PICALM: variants seen among roughly 807,000 people sequenced by gnomAD.
The protein encoded by PICALM is phosphatidylinositol-binding clathrin assembly protein.
Under a neutral mutation model 80.5 loss-of-function variants are expected in PICALM, and 40 were observed. That is an observed-to-expected ratio of 0.50 (90% confidence interval 0.39 to 0.65). The LOEUF is 0.65. Ranked by LOEUF, PICALM falls within the 30% of genes least tolerant of loss-of-function variation. The pLI, the probability that PICALM is intolerant of heterozygous loss-of-function variation, is 0.00. For synonymous variants in PICALM, 288 were observed against 260.3 expected (o/e 1.11, Z -1.02); for missense variants, 676 against 778.9 (o/e 0.87, Z 1.57).
intron 1 of PICALM, among the ~76,000 whole-genome samples, chr11:86,057,464 A>AG (rs1352695817): frequency 6.6e-6 from 1 of 152,136 alleles, no homozygotes; most frequent in Non-Finnish European, 1.5e-5. Flanking sequence ...GCTTGAACCC[A>AG]GGAGGCAGAG....
At chr11:86,061,046 T>C (rs1281550447) in intron 1 of PICALM, among the ~76,000 whole-genome samples, 1 of 152,162 alleles carries the variant, frequency 6.6e-6, no homozygotes, top group African/African-American at 2.4e-5. Flanking sequence ...ATACATTTGA[T>C]AGCCGGGCTC....
chr11:86,045,228 G>A (rs73508144), intron 1 of PICALM, among the ~76,000 whole-genome samples: 6 of 151,898 alleles, frequency 4.0e-5, no homozygotes, highest in Admixed American at 6.6e-5. Context: ...TTAATATTAC[G>A]CCTTTAAGTT....
intron 2 of PICALM, among the ~76,000 whole-genome samples, chr11:86,027,317 G>T (rs1223137114): frequency 6.6e-6 from 1 of 152,092 alleles, no homozygotes; most frequent in Non-Finnish European, 1.5e-5. Flanking sequence ...TGCCAAAATG[G>T]TCTCTGAAGT....
chr11:86,037,624 A>G (rs969973211), intron 1 of PICALM, among the ~76,000 whole-genome samples: 5 of 151,518 alleles, frequency 3.3e-5, no homozygotes, highest in African/African-American at 1.2e-4. Flanking sequence ...GTTTAAGCCC[A>G]AGAGTTTAAG....
intron 3 of PICALM, among the ~76,000 whole-genome samples, chr11:86,022,910 T>C (rs2095591023): frequency 6.6e-6 from 1 of 152,170 alleles, no homozygotes; most frequent in African/African-American, 2.4e-5. Flanking sequence ...CCATAACTTG[T>C]ATGTGCCAAC....
chr11:86,001,867 TA>T (rs1467893263), intron 9 of PICALM, among the ~76,000 whole-genome samples: 1 of 152,204 alleles, frequency 6.6e-6, no homozygotes, highest in Non-Finnish European at 1.5e-5. Flanking sequence ...AACTCTAGGC[TA>T]AGTAAAACAA....
intron 1 of PICALM, among the ~76,000 whole-genome samples, chr11:86,064,830 C>G (rs2096420545): frequency 6.6e-6 from 1 of 151,266 alleles, no homozygotes; most frequent in African/African-American, 2.4e-5. Context: ...TCCCAGCACT[C>G]TGGGAGGCTG....
At chr11:86,023,669 C>T (rs1212614858) in intron 3 of PICALM, 2 of 520,292 alleles carry the variant, frequency 3.8e-6, no homozygotes, top group East Asian at 2.9e-4. Context: ...TAAACTCTGC[C>T]TAGAGCACTG....
At chr11:85,972,765 A>T (rs1165404278) in intron 19 of PICALM, among the ~76,000 whole-genome samples, 2 of 152,202 alleles carry the variant, frequency 1.3e-5, no homozygotes, top group African/African-American at 2.4e-5. Flanking sequence ...AATAATAATA[A>T]TTTTTAAAGT....
At chr11:86,055,847 A>G (rs2096260674) in intron 1 of PICALM, among the ~76,000 whole-genome samples, 1 of 152,138 alleles carries the variant, frequency 6.6e-6, no homozygotes, top group South Asian at 2.1e-4. Context: ...AAAAAATCAG[A>G]GGCTGGGTGA....
chr11:85,959,746 A>AT (rs2093627284), intron 19 of PICALM, among the ~76,000 whole-genome samples: 1 of 150,966 alleles, frequency 6.6e-6, no homozygotes, highest in Non-Finnish European at 1.5e-5. Flanking sequence ...CACCTGGGTA[A>AT]TTTTTGGGTG....
At position 85,957,932 on chromosome 11, in the gene PICALM, ATTAACT is replaced by A. The variant is rs1156356879; in HGVS notation, c.*1108_*1113del. The stretch of plus-strand genomic sequence containing the variant: ...TCGTTTACTAAACTCTTGGCTAGAC[ATTAACT>A]TTAAAGATACTATTTCCCCTTATTT... On this transcript the variant is annotated 3_prime_UTR_variant, in exon 20 of 20. Coordinates refer to ENST00000393346, the MANE Select transcript of PICALM (RefSeq NM_007166.4). The A allele has an allele frequency of 4.5e-6, 1 of 223,828 alleles. No individual in the cohort carries two copies. The allele number at this position is 223,828 out of a possible 1,614,324, so 13.9% of individuals were successfully genotyped here.
At chr11:86,069,579 A>G (rs1182351520), upstream of PICALM, 2 of 152,304 alleles carry the variant, frequency 1.3e-5, no homozygotes, top group African/African-American at 2.4e-5. Flanking sequence ...CTTTCCCAGC[A>G]GAGTCAAGAA....
At chr11:85,999,194 G>C (rs1000900702) in intron 11 of PICALM, among the ~76,000 whole-genome samples, 1 of 152,000 alleles carries the variant, frequency 6.6e-6, no homozygotes, top group Admixed American at 6.6e-5. Flanking sequence ...CCTTCTAACT[G>C]TATTTTTATA....
intron 19 of PICALM, among the ~76,000 whole-genome samples, chr11:85,970,898 C>T (rs765110716): frequency 2.0e-5 from 3 of 152,100 alleles, no homozygotes; most frequent in East Asian, 3.8e-4. Context: ...ATTTACAAAA[C>T]GGATTAAATC....
intron 3 of PICALM, among the ~76,000 whole-genome samples, chr11:86,023,824 T>C (rs184671363): frequency 3.3e-5 from 5 of 152,254 alleles, no homozygotes; most frequent in African/African-American, 1.2e-4. Context: ...ATATCTGGCT[T>C]CTGTTTAAGA....
intron 2 of PICALM, among the ~76,000 whole-genome samples, chr11:86,029,707 C>A (rs1421694350): frequency 6.6e-6 from 1 of 152,094 alleles, no homozygotes; most frequent in East Asian, 1.9e-4. Flanking sequence ...AAATAAACTA[C>A]ATCAAATAAA....
At chr11:85,999,853 A>C (rs1004856254) in intron 11 of PICALM, among the ~76,000 whole-genome samples, 1 of 152,206 alleles carries the variant, frequency 6.6e-6, no homozygotes, top group Admixed American at 6.5e-5. Flanking sequence ...AGCATCTTAA[A>C]AACAAAAATT....
intron 19 of PICALM, chr11:85,960,786 AAAG>A (rs1565186990): frequency 2.4e-6 from 3 of 1,240,210 alleles, no homozygotes; most frequent in South Asian, 1.3e-5. Flanking sequence ...AGCTGGGGGA[AAAG>A]AAGACAGAGA....
Sources: allele counts gnomAD v4.1 joint callset (sites outside exome capture counted in the v4.1 genomes callset), GRCh38; gene constraint gnomAD v4.1.1; transcripts MANE v1.5; gene names NCBI Gene and HGNC (gene_info 2026-07-23, HGNC 2026-07-21).